The following PLCZ1 variants were observed in gnomAD, a reference collection of about 807,000 sequenced individuals.
The protein encoded by PLCZ1 is 1-phosphatidylinositol 4,5-bisphosphate phosphodiesterase zeta-1.
PLCZ1 carries 64 observed loss-of-function variants against 76.8 expected under a neutral mutation model. The ratio of observed to expected loss-of-function variants is 0.83; its 90% CI spans 0.68 to 1.03. The LOEUF (loss-of-function observed/expected upper bound fraction) is 1.03, where lower values mean the gene tolerates loss of function less well. Among genes scored for constraint, PLCZ1 ranks in the 50% least tolerant of loss-of-function variants. The pLI is 0.00. For synonymous variants in PLCZ1, 248 were observed against 230.8 expected, an observed-to-expected ratio of 1.07 and a Z score of -0.68; for missense variants, 751 against 713.7, an observed-to-expected ratio of 1.05 and a Z score of -0.60.
At chr12:18,730,267 G>A (rs979362515) in intron 3 of PLCZ1, among the ~76,000 whole-genome samples, 5 of 152,138 alleles carry the variant, frequency 3.3e-5, no homozygotes, top group African/African-American at 7.2e-5. Flanking sequence ...AAGAGTTGAA[G>A]CAAGTGAGTT....
At chr12:18,674,369 A>G in the PLCZ1 span, among the ~76,000 whole-genome samples, 132 of 151,230 alleles carry the variant, frequency 8.7e-4, no homozygotes, top group African/African-American at 2.9e-3. Flanking sequence ...TTTGTTTTAC[A>G]TGTCTGCAAT....
At chr12:18,723,233 G>T (rs1456589953) in intron 4 of PLCZ1, 78 bp downstream of exon 4, 92 of 1,251,684 alleles carry the variant, frequency 7.4e-5, no homozygotes, top group Non-Finnish European at 6.6e-5. Flanking sequence ...AAAATACTTT[G>T]CTTTGAAATA....
At chr12:18,707,695 T>C (rs1316865320) in intron 6 of PLCZ1, among the ~76,000 whole-genome samples, 2 of 152,074 alleles carry the variant, frequency 1.3e-5, no homozygotes, top group Non-Finnish European at 2.9e-5. Context: ...ATAATTATTG[T>C]CTATGTAATT....
intron 4 of PLCZ1, among the ~76,000 whole-genome samples, chr12:18,720,806 G>C (rs1958394118): frequency 6.6e-6 from 1 of 151,958 alleles, no homozygotes. Flanking sequence ...AGCAAGATAA[G>C]TGCAGGGGAA....
chr12:18,685,294 A>G (rs182811585), intron 13 of PLCZ1, among the ~76,000 whole-genome samples: 4 of 152,130 alleles, frequency 2.6e-5, no homozygotes, highest in Admixed American at 2.0e-4. Flanking sequence ...AGAAATCCAC[A>G]TCGTGTCACA....
At chr12:18,707,254 A>T (rs1956717880) in intron 6 of PLCZ1, among the ~76,000 whole-genome samples, 1 of 152,184 alleles carries the variant, frequency 6.6e-6, no homozygotes, top group African/African-American at 2.4e-5. Flanking sequence ...CCCTTATTTG[A>T]CCTACACAAT....
In PLCZ1 at chr12:18,693,945, T is replaced by A. The variant is rs1592050765; in HGVS notation, c.1461+965A>T. ...GACTTGATCATGGCTAAAGATGACC[T>A]CTCTGGTGCTGACATCAAGGCAGTC... On this transcript the variant is annotated intron_variant, in intron 12 of 14. Transcript: ENST00000266505. The A allele has an allele frequency of 5.3e-6, 8 of 1,519,828 alleles. No individual in the cohort carries two copies. In the East Asian group the frequency reaches 1.4e-4, roughly 26 times the overall value. The allele number at this position is 1,519,828 out of a possible 1,614,324, so 94.1% of individuals were successfully genotyped here.
At chr12:18,718,724 T>C (rs1462416603) in intron 5 of PLCZ1, among the ~76,000 whole-genome samples, 1 of 152,160 alleles carries the variant, frequency 6.6e-6, no homozygotes, top group Non-Finnish European at 1.5e-5. Flanking sequence ...CACATTACCT[T>C]AGTTCATCTT....
intron 10 of PLCZ1, among the ~76,000 whole-genome samples, chr12:18,699,514 A>G (rs1031863357): frequency 2.6e-5 from 4 of 152,018 alleles, no homozygotes; most frequent in African/African-American, 9.7e-5. Context: ...CTGCTCTCCT[A>G]TACAAGCTGC....
intron 3 of PLCZ1, among the ~76,000 whole-genome samples, chr12:18,724,794 T>C (rs1958658632): frequency 6.6e-6 from 1 of 152,094 alleles, no homozygotes; most frequent in Non-Finnish European, 1.5e-5. Context: ...AGCAAGTCAA[T>C]AAAAATTTAA....
In PLCZ1 at chr12:18,691,982, A is replaced by G. The variant is rs1798525572; in HGVS notation, c.1461+2928T>C. ...CATTCTCAGCTGAGATAAAGTGGCTAGGTCCTGAAGTAGACGTGGAGTGTA... is the reference window on the plus strand; with the variant it reads ...CATTCTCAGCTGAGATAAAGTGGCTGGGTCCTGAAGTAGACGTGGAGTGTA... On this transcript the variant is annotated intron_variant, in intron 12 of 14. Coordinates refer to ENST00000266505, the MANE Select transcript of PLCZ1 (RefSeq NM_033123.4). Among the ~76,000 whole-genome samples, 4 of 152,172 alleles carry G rather than the reference A, an allele frequency of 2.6e-5. No homozygotes were observed. The South Asian group carries it at 8.3e-4, about 31-fold the overall frequency.
At chr12:18,667,582 A>G in the PLCZ1 span, among the ~76,000 whole-genome samples, 60,386 of 151,924 alleles carry the variant, frequency 0.4, 14,417 homozygotes, top group South Asian at 0.6. Flanking sequence ...TCCTTTCTTC[A>G]TGATCCTTCT....
the PLCZ1 span, among the ~76,000 whole-genome samples, chr12:18,665,653 C>T: frequency 6.6e-6 from 1 of 151,876 alleles, no homozygotes; most frequent in Non-Finnish European, 1.5e-5. Flanking sequence ...ATTAGCCTGG[C>T]GGTCTGGACG....
chr12:18,650,474 C>G, the PLCZ1 span, among the ~76,000 whole-genome samples: 2 of 148,828 alleles, frequency 1.3e-5, no homozygotes, highest in African/African-American at 4.9e-5. Flanking sequence ...AATGTAAACA[C>G]TTGCTAATTA....
At chr12:18,652,587 G>A in the PLCZ1 span, among the ~76,000 whole-genome samples, 1 of 152,074 alleles carries the variant, frequency 6.6e-6, no homozygotes, top group Non-Finnish European at 1.5e-5. Context: ...GTCATCATCT[G>A]TTGTGTTGTC....
Position 18,703,705 on chromosome 12 carries a change from G to A in PLCZ1, c.864+1461C>T, listed in dbSNP as rs115352879. On this transcript the variant is annotated intron_variant, in intron 7 of 14. Coordinates refer to ENST00000266505, the MANE Select transcript of PLCZ1 (RefSeq NM_033123.4). ...TACTGTAATTCTGTTCTGTACCTCT[G>A]TTTTTGCCTGTATAAAACAATTTTC... Among the ~76,000 whole-genome samples the A allele has an allele frequency of 7.1e-3, 1,086 of 152,256 alleles. 11 individuals are homozygous for A. Among genetic ancestry groups the A allele is most frequent in the African/African-American group, 0.025 (1,053 of 41,562 alleles).
intron 4 of PLCZ1, 120 bp from the exon 5 acceptor site, chr12:18,719,752 GAATT>G (rs1386592689): frequency 9.7e-6 from 6 of 620,104 alleles, no homozygotes; most frequent in South Asian, 6.4e-5. Flanking sequence ...TATTCCTTTA[GAATT>G]AATATTAATA....
At chr12:18,696,463 C>G (rs1009100332) in intron 10 of PLCZ1, among the ~76,000 whole-genome samples, 197 bp from the exon 11 acceptor site, 4 of 150,238 alleles carry the variant, frequency 2.7e-5, no homozygotes, top group African/African-American at 9.8e-5. Context: ...GTATAATTCA[C>G]TATTATTTAG....
intron 5 of PLCZ1, among the ~76,000 whole-genome samples, chr12:18,716,533 CAG>C (rs759732888): frequency 2.6e-5 from 4 of 152,158 alleles, no homozygotes; most frequent in Admixed American, 6.5e-5. Flanking sequence ...TTTTTGGAAA[CAG>C]AGAAAATTTC....
Sources: allele counts gnomAD v4.1 joint callset (sites outside exome capture counted in the v4.1 genomes callset), GRCh38; gene constraint gnomAD v4.1.1; transcripts MANE v1.5; gene names NCBI Gene and HGNC (gene_info 2026-07-23, HGNC 2026-07-21).